The following LRRC8C variants were observed in gnomAD, a reference collection of about 807,000 sequenced individuals.
LRRC8C encodes the protein volume-regulated anion channel subunit LRRC8C.
LRRC8C carries 20 observed loss-of-function variants against 55.3 expected under a neutral mutation model. The observed-to-expected ratio is 0.36, with a 90% CI of 0.25 to 0.53. The LOEUF (loss-of-function observed/expected upper bound fraction) is 0.53. Ranked by LOEUF, LRRC8C falls within the 20% of genes least tolerant of loss-of-function variation. The pLI, the probability that LRRC8C is intolerant of heterozygous loss-of-function variation, is 0.92. For synonymous variants in LRRC8C, 376 were observed against 360.7 expected, an observed-to-expected ratio of 1.04 and a Z score of -0.48; for missense variants, 659 against 951.4, an observed-to-expected ratio of 0.69 and a Z score of 4.04.
In LRRC8C at chr1:89,693,137, A is replaced by G. The variant is rs535531099; in HGVS notation, c.138+6526A>G. On this transcript the variant is annotated intron_variant, in intron 2 of 2. Transcript: ENST00000370454. ...AAGCCACCTACAAAAAAATCCTGGA[A>G]GATTTAACCCAATCACTAGGAGCGA... 1.7e-4 allele frequency among the ~76,000 whole-genome samples: 26 copies of G among 152,328 alleles called. 1 individual carries two copies. The highest frequency in any genetic ancestry group is 5.8e-4 in the African/African-American group (24 of 41,576).
At chr1:89,679,873 A>C (rs529477187) in intron 1 of LRRC8C, among the ~76,000 whole-genome samples, 3 of 152,360 alleles carry the variant, frequency 2.0e-5, no homozygotes, top group African/African-American at 7.2e-5. Flanking sequence ...AAACAGTGTT[A>C]GCAATCGTGT....
chr1:89,647,781 G>A (rs1203327189), intron 1 of LRRC8C, among the ~76,000 whole-genome samples: 1 of 152,162 alleles, frequency 6.6e-6, no homozygotes. Context: ...AAACAATGGT[G>A]TGTGACAATT....
chr1:89,635,023 T>C (rs2101170585), intron 1 of LRRC8C, among the ~76,000 whole-genome samples: 1 of 152,248 alleles, frequency 6.6e-6, no homozygotes, highest in East Asian at 1.9e-4. Flanking sequence ...AAATCAAGCC[T>C]TTATTAATAG....
chr1:89,662,210 G>T (rs1192272239), intron 1 of LRRC8C, among the ~76,000 whole-genome samples: 1 of 152,176 alleles, frequency 6.6e-6, no homozygotes, highest in Non-Finnish European at 1.5e-5. Context: ...GCAAATTTCT[G>T]TTGGGTCATA....
intron 2 of LRRC8C, among the ~76,000 whole-genome samples, chr1:89,695,365 C>A (rs1033479460): frequency 2.6e-5 from 4 of 152,200 alleles, no homozygotes; most frequent in Admixed American, 1.3e-4. Flanking sequence ...TCTCCCTACT[C>A]AAGTTATTTT....
chr1:89,717,019 TG>T lies in LRRC8C; in HGVS notation c.*2039del, dbSNP rs1389944809. 2 of 152,290 alleles carry T rather than the reference TG, an allele frequency of 1.3e-5. No individual in the cohort carries two copies. Among genetic ancestry groups the T allele is most frequent in the Non-Finnish European group, 2.9e-5 (2 of 68,016 alleles). 9.4% of individuals were successfully genotyped at this position (152,290 alleles called of 1,614,324 possible). On this transcript the variant is annotated 3_prime_UTR_variant, in exon 3 of 3. Coordinates refer to ENST00000370454, the MANE Select transcript of LRRC8C (RefSeq NM_032270.5). ...GTGATTTTGCTGATTAATTTAGACC[TG>T]GAATTGAAATAATGTGCTCAGAATA...
chr1:89,626,278 C>T, the LRRC8C span: 1 of 152,198 alleles, frequency 6.6e-6, no homozygotes, highest in Admixed American at 6.5e-5. Context: ...TGCTACTACT[C>T]ACATCAATAC....
At chr1:89,681,947 G>A (rs1657725611) in intron 1 of LRRC8C, among the ~76,000 whole-genome samples, 1 of 152,332 alleles carries the variant, frequency 6.6e-6, no homozygotes. Context: ...GGAGGCCGAG[G>A]TGAGCAGATC....
chr1:89,618,028 G>A, the LRRC8C span, among the ~76,000 whole-genome samples: 1 of 151,956 alleles, frequency 6.6e-6, no homozygotes, highest in African/African-American at 2.4e-5. Context: ...AGTTTTTATT[G>A]GGCTTTCATT....
intron 1 of LRRC8C, among the ~76,000 whole-genome samples, chr1:89,663,569 CAAA>C (rs59206016): frequency 7.7e-5 from 6 of 78,120 alleles, no homozygotes; most frequent in Non-Finnish European, 1.5e-4. Flanking sequence ...GACTCTGTCT[CAAA>C]AAAAAAAAAA....
the LRRC8C span, among the ~76,000 whole-genome samples, chr1:89,618,077 A>C: frequency 6.6e-6 from 1 of 152,188 alleles, no homozygotes; most frequent in Non-Finnish European, 1.5e-5. Context: ...TCAAATGATT[A>C]AACTCAGTCT....
At chr1:89,706,119 C>T (rs1439934444) in intron 2 of LRRC8C, among the ~76,000 whole-genome samples, 1 of 152,088 alleles carries the variant, frequency 6.6e-6, no homozygotes, top group Non-Finnish European at 1.5e-5. Context: ...TGTCTCATTC[C>T]TGTGCTTGAC....
intron 2 of LRRC8C, among the ~76,000 whole-genome samples, chr1:89,688,696 T>C (rs1657946770): frequency 6.6e-6 from 1 of 152,222 alleles, no homozygotes; most frequent in East Asian, 1.9e-4. Flanking sequence ...TATGACTTTC[T>C]CAGTTTTCTA....
At chr1:89,660,896 G>A (rs942970380) in intron 1 of LRRC8C, among the ~76,000 whole-genome samples, 4 of 152,314 alleles carry the variant, frequency 2.6e-5, no homozygotes, top group Admixed American at 1.3e-4. Context: ...CTCTCATGCA[G>A]CAGTTTAAAG....
At chr1:89,670,443 G>A (rs1657384827) in intron 1 of LRRC8C, among the ~76,000 whole-genome samples, 1 of 151,854 alleles carries the variant, frequency 6.6e-6, no homozygotes, top group Non-Finnish European at 1.5e-5. Context: ...TTTTTCTAGT[G>A]TAATTCTGGT....
At chr1:89,652,447 G>A (rs1337604687) in intron 1 of LRRC8C, among the ~76,000 whole-genome samples, 2 of 152,210 alleles carry the variant, frequency 1.3e-5, no homozygotes, top group African/African-American at 2.4e-5. Flanking sequence ...GAAGCTTCAA[G>A]TAATCAACCT....
At chr1:89,709,815 G>T (rs1458582834) in intron 2 of LRRC8C, among the ~76,000 whole-genome samples, 2 of 149,842 alleles carry the variant, frequency 1.3e-5, no homozygotes, top group Non-Finnish European at 3.0e-5. Flanking sequence ...GCAGTGGCGC[G>T]ATCTCGGCTC....
At chr1:89,693,403 A>G (rs756524154) in intron 2 of LRRC8C, among the ~76,000 whole-genome samples, 2 of 152,166 alleles carry the variant, frequency 1.3e-5, no homozygotes, top group Admixed American at 1.3e-4. Flanking sequence ...CTTCATTTTG[A>G]CAATGTGCCC....
At chr1:89,642,478 G>A (rs1656488440) in intron 1 of LRRC8C, among the ~76,000 whole-genome samples, 1 of 152,174 alleles carries the variant, frequency 6.6e-6, no homozygotes, top group Non-Finnish European at 1.5e-5. Context: ...ACTTTGGGAG[G>A]CCTAGGTAAG....
Sources: gnomAD v4.1 joint callset for allele counts (sites outside exome capture counted in the v4.1 genomes callset) on GRCh38, gnomAD v4.1.1 for gene constraint, MANE v1.5 for transcripts, NCBI Gene and HGNC (gene_info 2026-07-23, HGNC 2026-07-21) for gene names.